The following IL34 variants were observed in gnomAD, a reference collection of about 807,000 sequenced individuals.
IL34 encodes interleukin-34.
IL34 carries 17 observed loss-of-function variants against 25.3 expected under a neutral mutation model. The observed-to-expected ratio is 0.67, with a 90% CI of 0.46 to 1.01. IL34 has a LOEUF of 1.01. IL34 is among the 50% of genes least tolerant of loss of function. The probability of loss-of-function intolerance (pLI) is 0.00; values close to 1 mark genes in which losing one functional copy is unlikely to be tolerated. For missense variants in IL34, 368 were observed against 312.9 expected (o/e 1.18, Z -1.33); for synonymous variants, 174 against 140.9 (o/e 1.23, Z -1.66).
At chr16:70,647,089 C>A in intron 1 of IL34, 114 bp downstream of exon 1, 1 of 927,140 alleles carries the variant, frequency 1.1e-6, no homozygotes, top group Non-Finnish European at 1.5e-6. Flanking sequence ...TGCGATGCTT[C>A]CCAGCCGGAC....
chr16:70,644,689 C>T (rs936441508), upstream of IL34, among the ~76,000 whole-genome samples: 3 of 130,282 alleles, frequency 2.3e-5, no homozygotes, highest in African/African-American at 8.8e-5. Flanking sequence ...AGGGGAATTG[C>T]CAGGGTGAGG....
At chr16:70,621,422 G>T (rs1216708301) in intron 1 of IL34, among the ~76,000 whole-genome samples, 1 of 151,682 alleles carries the variant, frequency 6.6e-6, no homozygotes, top group Non-Finnish European at 1.5e-5. Context: ...GTGGTTGAGG[G>T]ACAGTGAGAG....
intron 1 of IL34, among the ~76,000 whole-genome samples, chr16:70,635,422 G>C (rs961635368): frequency 6.6e-6 from 1 of 152,178 alleles, no homozygotes; most frequent in Admixed American, 6.5e-5. Context: ...AAGCACAAAG[G>C]CCTGTTGGAG....
At chr16:70,627,382 C>T (rs1005126747) in intron 1 of IL34, among the ~76,000 whole-genome samples, 13 of 151,896 alleles carry the variant, frequency 8.6e-5, no homozygotes, top group African/African-American at 2.9e-4. Flanking sequence ...CCACCAGATC[C>T]CCAAACACTC....
rs148402932 is a variant in IL34, at chr16:70,588,829, G to A, written c.-401+8780G>A. On this transcript the variant is annotated intron_variant, in intron 1 of 6. Coordinates refer to the IL34 transcript ENST00000429149. ...ATAAATACTGTATGATTCTACTTAT[G>A]TAACGGAGCCAGAGTAGCCAGGTTC... Among the ~76,000 whole-genome samples the A allele has an allele frequency of 4.4e-3, 671 of 152,298 alleles. 4 individuals carry two copies. Among genetic ancestry groups the A allele is most frequent in the African/African-American group, 0.015 (621 of 41,560 alleles).
intron 1 of IL34, among the ~76,000 whole-genome samples, chr16:70,640,145 C>G (rs1260613471): frequency 6.6e-6 from 1 of 151,930 alleles, no homozygotes; most frequent in African/African-American, 2.4e-5. Flanking sequence ...GTTTTGTTTT[C>G]TTTTGTTTTG....
intron 1 of IL34, among the ~76,000 whole-genome samples, chr16:70,583,644 C>A (rs752739406): frequency 2.6e-5 from 4 of 151,712 alleles, no homozygotes; most frequent in Non-Finnish European, 5.9e-5. Flanking sequence ...CCAGCCCCAC[C>A]ACCAGAGCAT....
chr16:70,610,051 A>C (rs1824233535), intron 1 of IL34, among the ~76,000 whole-genome samples: 1 of 152,022 alleles, frequency 6.6e-6, no homozygotes. Context: ...AAAATACAAA[A>C]ATTAGCCAGG....
At chr16:70,633,162 G>A (rs1425950960) in intron 1 of IL34, among the ~76,000 whole-genome samples, 4 of 151,196 alleles carry the variant, frequency 2.6e-5, no homozygotes, top group African/African-American at 4.9e-5. Context: ...ACAGGGTTTC[G>A]CCATGTTGCC....
At chr16:70,608,463 G>A (rs561183553) in intron 1 of IL34, among the ~76,000 whole-genome samples, 1 of 152,242 alleles carries the variant, frequency 6.6e-6, no homozygotes, top group Non-Finnish European at 1.5e-5. Flanking sequence ...TTTCGTTCCT[G>A]AAATTGCATA....
In IL34 at chr16:70,646,823, G is replaced by A. The variant is rs1448251227; in HGVS notation, c.-125G>A. The A allele has an allele frequency of 6.4e-6, 6 of 933,798 alleles. No individual in the cohort carries two copies. The highest frequency in any genetic ancestry group is 3.1e-4 in the Middle Eastern group (1 of 3,186). 57.8% of individuals were successfully genotyped at this position (933,798 alleles called of 1,614,324 possible). ...CCCGCAGCCCAGCCACTCCTCCAGG[G>A]CCAGCCCTTCCCTGACTGAGTGACC... On this transcript the variant is annotated 5_prime_UTR_variant, in exon 1 of 6. Coordinates refer to ENST00000288098, the MANE Select transcript of IL34 (RefSeq NM_001393494.1).
chr16:70,650,348 C>T (rs1350930814), intron 1 of IL34, among the ~76,000 whole-genome samples: 1 of 152,160 alleles, frequency 6.6e-6, no homozygotes, highest in African/African-American at 2.4e-5. Context: ...GGAAGGCTGC[C>T]CAGTTGGGGG....
intron 1 of IL34, among the ~76,000 whole-genome samples, chr16:70,631,570 C>A (rs1232961498): frequency 6.6e-6 from 1 of 152,062 alleles, no homozygotes; most frequent in Non-Finnish European, 1.5e-5. Context: ...GTCCCAATGA[C>A]CTTTTAGAGT....
intron 1 of IL34, among the ~76,000 whole-genome samples, chr16:70,615,818 T>C (rs1172864901): frequency 1.3e-5 from 2 of 152,078 alleles, no homozygotes; most frequent in African/African-American, 2.4e-5. Flanking sequence ...CTGAGTGTGG[T>C]GGTGCACACC....
intron 1 of IL34, among the ~76,000 whole-genome samples, chr16:70,607,488 T>C (rs888145605): frequency 2.0e-5 from 3 of 152,236 alleles, no homozygotes; most frequent in Non-Finnish European, 2.9e-5. Context: ...CTCCCCCTTT[T>C]TCTGGCCTGA....
chr16:70,643,926 G>GA (rs1030732795), upstream of IL34, among the ~76,000 whole-genome samples: 4 of 151,276 alleles, frequency 2.6e-5, no homozygotes, highest in East Asian at 3.9e-4. Context: ...AATATTCCTG[G>GA]AAAAAAAAAT....
At chr16:70,583,507 T>G (rs949685774) in intron 1 of IL34, among the ~76,000 whole-genome samples, 1 of 152,108 alleles carries the variant, frequency 6.6e-6, no homozygotes, top group South Asian at 2.1e-4. Context: ...CCTCCAGCCT[T>G]CCCCTGCATC....
chr16:70,620,726 G>C (rs1218626304), intron 1 of IL34, among the ~76,000 whole-genome samples: 1 of 115,576 alleles, frequency 8.7e-6, no homozygotes, highest in Non-Finnish European at 1.9e-5. Flanking sequence ...GAATTATTTA[G>C]ATTTGCAGGA....
chr16:70,659,673 G>A lies in IL34; in HGVS notation c.458G>A (p.Gly153Glu), dbSNP rs187166563. 7.8e-5 allele frequency: 126 copies of A among 1,613,198 alleles called. 3 individuals are homozygous for A. The South Asian group carries it at 1.2e-3, about 16-fold the overall frequency. The part of the protein sequence containing the change: ...ESVLSLLNAP[G>E]PNLKLVRPKA... ...GTGTTGTCCCTCTTGAATGCCCCAG[G>A]GCCAAACCTGAAGCTGGTGCGGCCC... Residue 153 changes from glycine to glutamate, a missense_variant, in exon 5 of 6, where the codon GGG becomes GAG. By Grantham distance (98) the Gly-to-Glu change is moderately conservative. Transcript: ENST00000288098.
Sources: allele counts gnomAD v4.1 joint callset (sites outside exome capture counted in the v4.1 genomes callset), GRCh38; gene constraint gnomAD v4.1.1; transcripts MANE v1.5; gene names NCBI Gene and HGNC (gene_info 2026-07-23, HGNC 2026-07-21).